SH3D21: variants seen among roughly 807,000 people sequenced by gnomAD.
SH3D21 encodes the protein SH3 domain-containing protein 21.
Under a neutral mutation model 82.1 loss-of-function variants are expected in SH3D21, and 83 were observed. The observed-to-expected ratio is 1.01, with a 90% confidence interval of 0.85 to 1.21. SH3D21 has a LOEUF of 1.21. Ranked by LOEUF, SH3D21 falls within the 50% of genes most tolerant of loss-of-function variation. The probability of loss-of-function intolerance (pLI) is 0.00; values close to 1 mark genes in which losing one functional copy is unlikely to be tolerated. For synonymous variants in SH3D21, 383 were observed against 387.8 expected, an observed-to-expected ratio of 0.99 and a Z score of 0.15; for missense variants, 980 against 962.1, an observed-to-expected ratio of 1.02 and a Z score of -0.25.
At chr1:36,322,592 G>T, downstream of SH3D21, 1 of 1,566,814 alleles carries the variant, frequency 6.4e-7, no homozygotes, top group Non-Finnish European at 8.6e-7. Flanking sequence ...TGCTGCGGGG[G>T]TCCCGGCGCT....
At chr1:36,325,947 C>T (rs1488176621), downstream of SH3D21, among the ~76,000 whole-genome samples, 1 of 152,220 alleles carries the variant, frequency 6.6e-6, no homozygotes, top group Non-Finnish European at 1.5e-5. Flanking sequence ...AAGATAATCT[C>T]AGATGCTTCT....
rs1206591594 is a variant in SH3D21, at chr1:36,306,848, C to T, written c.169C>T (p.Pro57Ser). The stretch of plus-strand genomic sequence containing the variant: ...CCCGTGCCCTGATTCCCAGGAGATC[C>T]CAGAGACCCTGCGGGGCTCCGGAGA... Reference protein sequence around the residue: ...LFPERLVQEIPETLRGSGEAR... With the variant: ...LFPERLVQEISETLRGSGEAR... Residue 57 changes from proline (P) to serine (S), a missense_variant, in exon 3 of 16, where the codon CCA (proline) becomes TCA (serine). Pro to Ser is a moderately conservative substitution (Grantham distance 74). Transcript: ENST00000453908. This position sits in a 1 kb window ranked among gnomAD's most constrained non-coding sequence, Gnocchi z 4.5. 1 of 1,297,370 alleles carries T rather than the reference C, an allele frequency of 7.7e-7. No homozygotes were observed. The highest frequency in any genetic ancestry group is 1.2e-5 in the South Asian group (1 of 80,716). The allele number at this position is 1,297,370 out of a possible 1,614,324, so 80.4% of individuals were successfully genotyped here.
At chr1:36,325,544 GTTGT>G (rs771972197), downstream of SH3D21, among the ~76,000 whole-genome samples, 6 of 151,180 alleles carry the variant, frequency 4.0e-5, no homozygotes, top group African/African-American at 7.3e-5. Context: ...TTTTTTTTTT[GTTGT>G]TTGTTTTTGT....
Position 36,320,636 on chromosome 1 carries a change from G to C in SH3D21, c.1973G>C (p.Arg658Pro), listed in dbSNP as rs141874902. The change falls in exon 14 of 16, where the codon CGT (arginine) becomes CCT (proline). Residue 658 changes from arginine to proline, a missense_variant. Transcript: ENST00000453908. ...GAAAGAGCCTTTGCCCAAAAAACAC[G>C]TCCTATCAAGCCGCCTCCAGACTCC... ...PIERAFAQKTRPIKPPPDSQE... is the reference protein window; with the variant it reads ...PIERAFAQKTPPIKPPPDSQE... 5.0e-6 allele frequency: 8 copies of C among 1,614,242 alleles called. No individual in the cohort carries two copies. In the African/African-American group the frequency reaches 1.1e-4, roughly 22 times the overall value.
chr1:36,308,511 C>A, intron 9 of SH3D21, 36 bp downstream of exon 9: 1 of 1,536,432 alleles, frequency 6.5e-7, no homozygotes, highest in Non-Finnish European at 8.8e-7. Context: ...GTGGCAGGGG[C>A]AGGCTATTTT....
intron 10 of SH3D21, among the ~76,000 whole-genome samples, chr1:36,313,040 A>G (rs1039172444): frequency 1.3e-5 from 2 of 151,262 alleles, no homozygotes; most frequent in African/African-American, 4.8e-5. Context: ...TAAGATGGGA[A>G]TGGGCCAGGC....
chr1:36,308,432 G>C lies in SH3D21; in HGVS notation c.683G>C (p.Arg228Pro). Residue 228 changes from arginine (R) to proline (P), a missense_variant, in exon 9 of 16, where the codon CGA becomes CCA. Transcript: ENST00000453908. ...TGGTGGGAAGGAGAGTGTCAAGGAC[G>C]AAGAGGAGTTTTTCCAGACAACTTT... ...KGWWEGECQG[R>P]RGVFPDNFVL... The C allele has an allele frequency of 6.4e-7, 1 of 1,551,868 alleles. No homozygotes were observed. Among genetic ancestry groups the C allele is most frequent in the East Asian group, 2.4e-5 (1 of 40,922 alleles).
At chr1:36,325,347 A>G (rs930707965), downstream of SH3D21, among the ~76,000 whole-genome samples, 1 of 152,192 alleles carries the variant, frequency 6.6e-6, no homozygotes, top group Non-Finnish European at 1.5e-5. Flanking sequence ...GTATTTTCAT[A>G]GCGGTTACAT....
At chr1:36,316,766 T>G (rs1461283469) in intron 10 of SH3D21, among the ~76,000 whole-genome samples, 1 of 124,282 alleles carries the variant, frequency 8.0e-6, no homozygotes, top group Non-Finnish European at 1.9e-5. Flanking sequence ...TCTCTCTCTT[T>G]TTTTTTTTTT....
In SH3D21 at chr1:36,320,090, G is replaced by T; in HGVS notation, c.1427G>T (p.Gly476Val). 1.9e-6 allele frequency: 3 copies of T among 1,613,894 alleles called. No individual in the cohort carries two copies. The highest frequency in any genetic ancestry group is 2.5e-6 in the Non-Finnish European group (3 of 1,179,998). The change falls in exon 14 of 16, where the codon GGG (glycine) becomes GTG (valine). Residue 476 changes from glycine (G) to valine (V), a missense_variant. By Grantham distance (109) the Gly-to-Val change is moderately radical. Coordinates refer to ENST00000453908, the MANE Select transcript of SH3D21 (RefSeq NM_001162530.2). ...KVPNPKMAPL[G>V]DEAPTLEKVL... is the part of the protein sequence containing the mutation. ...CCTAATCCAAAGATGGCCCCTCTGG[G>T]GGATGAGGCCCCCACTCTAGAAAAG...
At chr1:36,330,145 C>A (rs186032503), downstream of SH3D21, among the ~76,000 whole-genome samples, 111 of 152,340 alleles carry the variant, frequency 7.3e-4, 2 homozygotes, top group East Asian at 0.013. Flanking sequence ...GTTCCTCGCC[C>A]TGTAAAGCCC....
chr1:36,308,516 T>C, intron 9 of SH3D21, 41 bp downstream of exon 9: 1 of 1,525,952 alleles, frequency 6.6e-7, no homozygotes, highest in Non-Finnish European at 8.9e-7. Context: ...AGGGGCAGGC[T>C]ATTTTGGACA....
downstream of SH3D21, chr1:36,323,780 G>A (rs762297676): frequency 9.2e-5 from 14 of 152,128 alleles, no homozygotes; most frequent in Non-Finnish European, 1.9e-4. Flanking sequence ...GAAACCGCCG[G>A]GGAGGCCGCG....
At chr1:36,323,647 A>AGGGAC (rs1646507281), downstream of SH3D21, 1 of 151,418 alleles carries the variant, frequency 6.6e-6, no homozygotes, top group South Asian at 2.1e-4. Flanking sequence ...AGGAAAGAGG[A>AGGGAC]GGGACGGGGC....
At chr1:36,308,584 G>A in intron 9 of SH3D21, 109 bp downstream of exon 9, 1 of 814,872 alleles carries the variant, frequency 1.2e-6, no homozygotes, top group East Asian at 2.7e-5. Flanking sequence ...AATGAGGGTG[G>A]ACCTAGACAT....
downstream of SH3D21, chr1:36,321,530 C>T: frequency 1.3e-6 from 1 of 754,078 alleles, no homozygotes; most frequent in Non-Finnish European, 1.7e-6. The surrounding 1 kb of genome is among the most constrained non-coding windows in gnomAD (Gnocchi z 6.1). Context: ...GCCGGGCGGG[C>T]CTTCTCGCCA....
At chr1:36,318,424 C>T (rs1237904211) in intron 10 of SH3D21, among the ~76,000 whole-genome samples, 1 of 152,076 alleles carries the variant, frequency 6.6e-6, no homozygotes, top group Admixed American at 6.6e-5. Context: ...GAAAATTAAA[C>T]CCATAAGACT....
intron 10 of SH3D21, 64 bp from the exon 11 acceptor site, chr1:36,319,007 C>A: frequency 1.0e-6 from 1 of 980,460 alleles, no homozygotes; most frequent in East Asian, 2.6e-5. Flanking sequence ...TAGTCCCCTG[C>A]ACACAGCACA....
intron 10 of SH3D21, among the ~76,000 whole-genome samples, chr1:36,318,066 A>G (rs1254217778): frequency 2.0e-5 from 3 of 152,188 alleles, no homozygotes; most frequent in African/African-American, 7.2e-5. Context: ...TGGTGACTTG[A>G]TCTAGAGCAC....
Sources: allele counts gnomAD v4.1 joint callset (sites outside exome capture counted in the v4.1 genomes callset), GRCh38; gene constraint gnomAD v4.1.1; non-coding constraint Gnocchi (gnomAD v3.1); transcripts MANE v1.5; gene names NCBI Gene and HGNC (gene_info 2026-07-23, HGNC 2026-07-21).